Variants in SMCHD1 observed in about 807,000 individuals in gnomAD.
The protein encoded by SMCHD1 is structural maintenance of chromosomes flexible hinge domain-containing protein 1.
Under a neutral mutation model 254.7 loss-of-function variants are expected in SMCHD1, and 78 were observed. The ratio of observed to expected loss-of-function variants is 0.31; its 90% CI spans 0.26 to 0.37. The LOEUF is 0.37. SMCHD1 is among the 10% of genes least tolerant of loss of function. The pLI is 1.00. For synonymous variants in SMCHD1, 766 were observed against 794.9 expected (o/e 0.96, Z 0.61); for missense variants, 1,840 against 2,408.1 (o/e 0.76, Z 4.94).
At chr18:2,721,188 T>C (rs148116886) in intron 19 of SMCHD1, among the ~76,000 whole-genome samples, 1 of 152,298 alleles carries the variant, frequency 6.6e-6, no homozygotes, top group East Asian at 1.9e-4. Context: ...CTTTGTTGTT[T>C]GAGTATTTGA....
chr18:2,686,408 T>A (rs2062052510), intron 5 of SMCHD1, among the ~76,000 whole-genome samples: 1 of 152,158 alleles, frequency 6.6e-6, no homozygotes, highest in Non-Finnish European at 1.5e-5. Context: ...TCCGAAGCAT[T>A]TTGGATAAGG....
chr18:2,741,814 A>G (rs762122254), intron 28 of SMCHD1, among the ~76,000 whole-genome samples: 16 of 152,112 alleles, frequency 1.1e-4, no homozygotes, highest in Non-Finnish European at 1.8e-4. Context: ...CTACATCTTC[A>G]GTTATCTCTT....
chr18:2,766,507 A>T (rs1284626282), intron 37 of SMCHD1, among the ~76,000 whole-genome samples: 9 of 152,206 alleles, frequency 5.9e-5, no homozygotes, highest in Admixed American at 5.2e-4. Flanking sequence ...CTCCTGCCTC[A>T]CATATTGATT....
At position 2,694,606 on chromosome 18, in the gene SMCHD1, G is replaced by C. The variant is rs745495716; in HGVS notation, c.953G>C (p.Ser318Thr). ...ATCATAGAGGAGAAGGAAAAAGATA[G>C]CTTTACTGCTGTGGTTATCACAGGG... Reference protein sequence around the residue: ...HLIIEEKEKDSFTAVVITGVQ... With the variant: ...HLIIEEKEKDTFTAVVITGVQ... The change falls in exon 8 of 48, where the codon AGC becomes ACC. Residue 318 changes from serine to threonine, a missense_variant. Transcript: ENST00000320876. 9 of 1,611,594 alleles carry C rather than the reference G, an allele frequency of 5.6e-6. No homozygotes were observed. The highest frequency in any genetic ancestry group is 2.2e-5 in the East Asian group (1 of 44,822).
At chr18:2,697,771 C>CTG in intron 9 of SMCHD1, 60 bp from the exon 10 acceptor site, 1 of 1,122,602 alleles carries the variant, frequency 8.9e-7, no homozygotes, top group Non-Finnish European at 1.3e-6. Context: ...TGAATCATAG[C>CTG]TGAGAACAAA....
intron 32 of SMCHD1, among the ~76,000 whole-genome samples, chr18:2,750,759 G>A (rs933838789): frequency 3.3e-5 from 5 of 152,014 alleles, no homozygotes; most frequent in Admixed American, 2.6e-4. Flanking sequence ...AGTGAATGAA[G>A]CACCTCAAAG....
rs1212453766 is a variant in SMCHD1 at position 2,716,843 on chromosome 18, G to T, written c.2261-1315G>T. On this transcript the variant is annotated intron_variant, in intron 17 of 47. Coordinates refer to ENST00000320876, the MANE Select transcript of SMCHD1 (RefSeq NM_015295.3). ...CAGCCAGCCAAGTCACAGGCAGTCT[G>T]TCCTCAGATTGTGAATCTGTCTCAG... Among the ~76,000 whole-genome samples the T allele has an allele frequency of 2.0e-5, 3 of 152,330 alleles. No homozygotes were observed. The South Asian group carries it at 6.2e-4, about 32-fold the overall frequency.
At chr18:2,715,646 A>T (rs187628720) in intron 17 of SMCHD1, among the ~76,000 whole-genome samples, 1 of 152,160 alleles carries the variant, frequency 6.6e-6, no homozygotes, top group African/African-American at 2.4e-5. Flanking sequence ...TGATGCCAGG[A>T]GTTCAAGACC....
rs749995953 is a variant in SMCHD1, at chr18:2,777,067, C to CG, written c.5367-739_5367-738insG. ...TAGAGGCATGCACCACCACCTCCCC[C>CG]CCCCATACCCTAATACTTTTTGTGA... On this transcript the variant is annotated intron_variant, in intron 42 of 47. Coordinates refer to ENST00000320876, the MANE Select transcript of SMCHD1 (RefSeq NM_015295.3). Among the ~76,000 whole-genome samples the CG allele has an allele frequency of 1.0e-4, 15 of 147,930 alleles. No homozygotes were observed. In the East Asian group the frequency reaches 1.8e-3, roughly 17 times the overall value.
chr18:2,678,248 T>TTTCTTTCG (rs2073809249), intron 5 of SMCHD1, among the ~76,000 whole-genome samples: 5 of 37,618 alleles, frequency 1.3e-4, no homozygotes, highest in Admixed American at 3.8e-4. Flanking sequence ...TCTTTCGTTC[T>TTTCTTTCG]TTCTTTCTCT....
Position 2,656,012 on chromosome 18 carries a change from G to C in SMCHD1, c.-64G>C. ...GCTGGAGCTGAAGGCGCCGCGCGGA[G>C]CGCGCACCTCAGCCCTGAGCCCGGC... On this transcript the variant is annotated 5_prime_UTR_variant, in exon 1 of 48. Coordinates refer to ENST00000320876, the MANE Select transcript of SMCHD1 (RefSeq NM_015295.3). 8.1e-7 allele frequency: 1 copy of C among 1,229,284 alleles called. No individual in the cohort carries two copies. Among genetic ancestry groups the C allele is most frequent in the Non-Finnish European group, 1.0e-6 (1 of 979,662 alleles). The allele number at this position is 1,229,284 out of a possible 1,614,324, so 76.1% of individuals were successfully genotyped here.
In SMCHD1 at chr18:2,665,154, A is replaced by G. The variant is rs143643272; in HGVS notation, c.187-1003A>G. 2.1e-3 allele frequency among the ~76,000 whole-genome samples: 317 copies of G among 152,282 alleles called. 1 individual carries two copies. Among genetic ancestry groups the G allele is most frequent in the African/African-American group, 7.1e-3 (295 of 41,562 alleles). ...GCATGTATGTTTTAATTCTAATGTA[A>G]ATGAAAATGTTAACCACTTTTCTAA... is the stretch of plus-strand genomic sequence containing the variant. On this transcript the variant is annotated intron_variant, in intron 1 of 47. Transcript: ENST00000320876.
At chr18:2,673,257 C>T (rs2073659969) in intron 3 of SMCHD1, 24 bp from the exon 4 acceptor site, 3 of 1,565,412 alleles carry the variant, frequency 1.9e-6, no homozygotes, top group East Asian at 4.5e-5. Context: ...AAAAGTTAAG[C>T]AATGTTTTCT....
chr18:2,717,221 G>A (rs144915081), intron 17 of SMCHD1, among the ~76,000 whole-genome samples: 2 of 152,162 alleles, frequency 1.3e-5, no homozygotes, highest in Non-Finnish European at 2.9e-5. Flanking sequence ...CCAGTGCTTG[G>A]TAGGGCCAAG....
chr18:2,656,213 G>C lies in SMCHD1; in HGVS notation c.138G>C (p.Gln46His). 2.0e-6 allele frequency: 3 copies of C among 1,505,898 alleles called. No homozygotes were observed. Among genetic ancestry groups the C allele is most frequent in the Non-Finnish European group, 2.6e-6 (3 of 1,135,694 alleles). 93.3% of individuals were successfully genotyped at this position (1,505,898 alleles called of 1,614,324 possible). A position where few individuals can be genotyped will look rare whatever the true frequency, so the allele number is the denominator to read the frequency against. ...CCGAGCTCGGGGACCGGCCTCTGCAGGTCGGGGAGCGCTCGGACTACGCGG... is the reference window on the plus strand; with the variant it reads ...CCGAGCTCGGGGACCGGCCTCTGCACGTCGGGGAGCGCTCGGACTACGCGG... ...KESELGDRPL[Q>H]VGERSDYAGF... The change falls in exon 1 of 48, where the codon CAG (glutamine) becomes CAC (histidine). Residue 46 changes from glutamine to histidine, a missense_variant. By Grantham distance (24) the Gln-to-His change is conservative. Coordinates refer to ENST00000320876, the MANE Select transcript of SMCHD1 (RefSeq NM_015295.3).
In SMCHD1 at chr18:2,708,898, ATATATATAT is replaced by A. The variant is rs1244786477; in HGVS notation, c.2260+979_2260+987del. Among the ~76,000 whole-genome samples the A allele has an allele frequency of 7.3e-3, 554 of 76,182 alleles. 75 individuals are homozygous for A. Among genetic ancestry groups the A allele is most frequent in the Middle Eastern group, 0.016 (3 of 188 alleles). 50.0% of individuals were successfully genotyped at this position (76,182 alleles called of 152,430 possible). On this transcript the variant is annotated intron_variant, in intron 17 of 47. Coordinates refer to ENST00000320876, the MANE Select transcript of SMCHD1 (RefSeq NM_015295.3). ...TATATATATATATATATATATATAT[ATATATATAT>A]AACATATTAACATGAAATTTATGAA...
intron 42 of SMCHD1, 83 bp downstream of exon 42, chr18:2,776,007 C>T (rs529877780): frequency 8.5e-7 from 1 of 1,169,726 alleles, no homozygotes; most frequent in Non-Finnish European, 1.2e-6. Context: ...AATGATTTCT[C>T]TAAAAGATAC....
In SMCHD1 at chr18:2,706,515, A is replaced by G. The variant is rs1404137656; in HGVS notation, c.2063+45A>G. ...GCATGACAAAAATAAGAAAAATTGG[A>G]AAGAATTGTGCTGTAAGTATTCTGA... is the stretch of plus-strand genomic sequence containing the variant. On this transcript the variant is annotated intron_variant, in intron 15 of 47. Coordinates refer to ENST00000320876, the MANE Select transcript of SMCHD1 (RefSeq NM_015295.3). 5.2e-6 allele frequency: 7 copies of G among 1,340,576 alleles called. No homozygotes were observed. In the African/African-American group the frequency reaches 7.3e-5, roughly 14 times the overall value. The allele number at this position is 1,340,576 out of a possible 1,614,324, so 83.0% of individuals were successfully genotyped here.
chr18:2,782,938 T>C (rs1356883532), intron 44 of SMCHD1, among the ~76,000 whole-genome samples: 1 of 152,216 alleles, frequency 6.6e-6, no homozygotes, highest in East Asian at 1.9e-4. Flanking sequence ...CAAATGATTT[T>C]TGAATTTGTA....
Sources: gnomAD v4.1 joint callset for allele counts (sites outside exome capture counted in the v4.1 genomes callset) on GRCh38, gnomAD v4.1.1 for gene constraint, MANE v1.5 for transcripts, NCBI Gene and HGNC (gene_info 2026-07-23, HGNC 2026-07-21) for gene names.